CKMT2: variants seen among roughly 807,000 people sequenced by gnomAD.
CKMT2 encodes the protein creatine kinase, mitochondrial 2.
CKMT2 carries 43 observed loss-of-function variants against 48.9 expected under a neutral mutation model. That is an observed-to-expected ratio of 0.88 (90% CI 0.69 to 1.13). CKMT2 has a LOEUF of 1.13. Ranked by LOEUF, CKMT2 falls within the 50% of genes most tolerant of loss-of-function variation. CKMT2 has a pLI of 0.00. For missense variants in CKMT2, 472 were observed against 555.4 expected (o/e 0.85, Z 1.51); for synonymous variants, 206 against 213.0 (o/e 0.97, Z 0.29).
chr5:81,252,905 G>A lies in CKMT2; in HGVS notation c.351+12G>A, dbSNP rs1321961664. On this transcript the variant is annotated intron_variant, in intron 3 of 9. Transcript: ENST00000254035. ...AGGAGTCCTATGAGGTAAAACTATT[G>A]GCTGCTGGTTCCAGGGTGGGAGGGA... is the stretch of plus-strand genomic sequence containing the variant. 1 of 1,613,878 alleles carries A rather than the reference G, an allele frequency of 6.2e-7. No homozygotes were observed. The highest frequency in any genetic ancestry group is 8.5e-7 in the Non-Finnish European group (1 of 1,179,920).
chr5:81,254,587 A>G, intron 4 of CKMT2, 96 bp downstream of exon 4: 1 of 1,058,146 alleles, frequency 9.5e-7, no homozygotes. Context: ...TGTAAGTCAG[A>G]TACCCCTGGA....
chr5:81,259,091 T>G (rs1757116571), intron 7 of CKMT2, 29 bp from the exon 8 acceptor site: 1 of 1,596,726 alleles, frequency 6.3e-7, no homozygotes, highest in Non-Finnish European at 8.5e-7. Flanking sequence ...GAAAATGCTG[T>G]CATTTGTTCA....
At chr5:81,244,412 G>T (rs2112790477) in intron 1 of CKMT2, among the ~76,000 whole-genome samples, 1 of 152,290 alleles carries the variant, frequency 6.6e-6, no homozygotes, top group East Asian at 1.9e-4. Context: ...TAGCCTGGTT[G>T]TAAGACAAAG....
intron 1 of CKMT2, among the ~76,000 whole-genome samples, chr5:81,243,681 G>A (rs1432105733): frequency 6.6e-6 from 1 of 151,890 alleles, no homozygotes; most frequent in Non-Finnish European, 1.5e-5. Context: ...GAGCTTTCAT[G>A]AAATTCCTAA....
chr5:81,236,778 G>A (rs1000525897), intron 1 of CKMT2, among the ~76,000 whole-genome samples: 1 of 152,180 alleles, frequency 6.6e-6, no homozygotes, highest in Admixed American at 6.5e-5. Flanking sequence ...CCCCGATGTT[G>A]GTTTTCAGAG....
intron 1 of CKMT2, among the ~76,000 whole-genome samples, chr5:81,236,338 T>C (rs188117681): frequency 6.6e-6 from 1 of 152,250 alleles, no homozygotes; most frequent in East Asian, 1.9e-4. Flanking sequence ...TGTGAGGTGC[T>C]GCGGTCTGCA....
At chr5:81,241,947 A>G (rs1182607329) in intron 1 of CKMT2, among the ~76,000 whole-genome samples, 1 of 149,244 alleles carries the variant, frequency 6.7e-6, no homozygotes, top group Non-Finnish European at 1.5e-5. Flanking sequence ...CTGCCTGCTC[A>G]GTCAGAACCC....
At chr5:81,239,794 G>C (rs57086010) in intron 1 of CKMT2, among the ~76,000 whole-genome samples, 54,677 of 151,904 alleles carry the variant, frequency 0.36, 10,327 homozygotes, top group Admixed American at 0.48. Context: ...GCAGAGGGCC[G>C]TGGTTAAGAG....
chr5:81,250,807 T>G (rs1756777531), intron 1 of CKMT2: 1 of 180,718 alleles, frequency 5.5e-6, no homozygotes, highest in African/African-American at 2.4e-5. Context: ...AAGACATCCC[T>G]GCTGCTGTTT....
chr5:81,236,282 C>A (rs1217616227), intron 1 of CKMT2, among the ~76,000 whole-genome samples: 2 of 152,078 alleles, frequency 1.3e-5, no homozygotes, highest in African/African-American at 4.8e-5. Context: ...AGGTTTTAAG[C>A]CACAGGGGTG....
rs1756804574 is a variant in CKMT2, at chr5:81,251,264, G to A, written c.132G>A (p.Gln44=). The change falls in exon 2 of 10, where the codon CAG becomes CAA. Residue 44 remains glutamine (Q), a synonymous_variant. Transcript: ENST00000254035. ...RQKVCAEVRE[Q]PRLFPPSADY... The stretch of plus-strand genomic sequence containing the variant: ...AAGTGTGTGCCGAGGTCCGGGAGCA[G>A]CCTAGGCTATTTCCTCCAAGGTAAG... 3.1e-6 allele frequency: 5 copies of A among 1,614,072 alleles called. No homozygotes were observed. The highest frequency in any genetic ancestry group is 4.2e-6 in the Non-Finnish European group (5 of 1,179,990).
rs995239990 is a variant in CKMT2 at position 81,251,004 on chromosome 5, C to T, written c.-20-109C>T. On this transcript the variant is annotated intron_variant, in intron 1 of 9. Coordinates refer to ENST00000254035, the MANE Select transcript of CKMT2 (RefSeq NM_001099735.2). ...AGAAAGAGAGAGAGAGAGACAGAGACACCGGAAAGAGAGGCTATGGCTCCT... is the reference window on the plus strand; with the variant it reads ...AGAAAGAGAGAGAGAGAGACAGAGATACCGGAAAGAGAGGCTATGGCTCCT... The T allele has an allele frequency of 4.9e-5, 34 of 692,786 alleles. No homozygotes were observed. The African/African-American group carries it at 5.8e-4, about 12-fold the overall frequency. 42.9% of individuals were successfully genotyped at this position (692,786 alleles called of 1,614,324 possible).
At chr5:81,248,468 G>A (rs760871920) in intron 1 of CKMT2, among the ~76,000 whole-genome samples, 6 of 152,162 alleles carry the variant, frequency 3.9e-5, no homozygotes, top group East Asian at 1.9e-4. Flanking sequence ...GTATGCTAGC[G>A]TTGCCTGCTG....
In CKMT2 at chr5:81,242,187, C is replaced by G. The variant is rs1756459700; in HGVS notation, c.-21+8810C>G. 32 of 244,318 alleles carry G rather than the reference C, an allele frequency of 1.3e-4. No individual in the cohort carries two copies. The South Asian group carries it at 1.5e-3, about 12-fold the overall frequency. The allele number at this position is 244,318 out of a possible 1,614,324, so 15.1% of individuals were successfully genotyped here. On this transcript the variant is annotated intron_variant, in intron 1 of 9. Transcript: ENST00000254035. Reference sequence around the variant, plus strand: ...CCAGGAAACGGAGCAGGTACATGCTCAAAACCAGAACTGAGTGTCTCACTT... The same window carrying G: ...CCAGGAAACGGAGCAGGTACATGCTGAAAACCAGAACTGAGTGTCTCACTT...
intron 1 of CKMT2, among the ~76,000 whole-genome samples, chr5:81,234,021 T>TAAAAAAA (rs536455571): frequency 1.1e-5 from 1 of 91,930 alleles, no homozygotes; most frequent in African/African-American, 4.4e-5. Flanking sequence ...GGAGGTTAAT[T>TAAAAAAA]AAAAAAAAAA....
intron 1 of CKMT2, among the ~76,000 whole-genome samples, chr5:81,240,327 C>T (rs910293478): frequency 1.1e-4 from 16 of 152,230 alleles, no homozygotes. Flanking sequence ...ACTCAGCATA[C>T]CTGAGAGACC....
intron 7 of CKMT2, among the ~76,000 whole-genome samples, chr5:81,258,171 A>G (rs1229774768): frequency 6.6e-6 from 1 of 152,186 alleles, no homozygotes; most frequent in African/African-American, 2.4e-5. Flanking sequence ...AAGTGCTGGG[A>G]TTACAGGCAT....
chr5:81,248,218 A>C (rs1051520446), intron 1 of CKMT2, among the ~76,000 whole-genome samples: 1 of 152,234 alleles, frequency 6.6e-6, no homozygotes, highest in South Asian at 2.1e-4. Context: ...AAGGAATGAA[A>C]AATAGGGACC....
At chr5:81,239,867 T>G (rs887090067) in intron 1 of CKMT2, among the ~76,000 whole-genome samples, 2 of 152,104 alleles carry the variant, frequency 1.3e-5, no homozygotes, top group African/African-American at 2.4e-5. Context: ...TGGTCCTGGG[T>G]GAGTTATTTT....
Sources: gnomAD v4.1 joint callset for allele counts (sites outside exome capture counted in the v4.1 genomes callset) on GRCh38, gnomAD v4.1.1 for gene constraint, MANE v1.5 for transcripts, NCBI Gene and HGNC (gene_info 2026-07-23, HGNC 2026-07-21) for gene names.